The following RCAN2 variants were observed in gnomAD, a reference collection of about 807,000 sequenced individuals.
The protein encoded by RCAN2 is regulator of calcineurin 2, also known as calcipressin-2.
Under a neutral mutation model 23.6 loss-of-function variants are expected in RCAN2, and 9 were observed. The ratio of observed to expected loss-of-function variants is 0.38; its 90% CI spans 0.23 to 0.67. The LOEUF (loss-of-function observed/expected upper bound fraction) is 0.67, where lower values mean the gene tolerates loss of function less well. Among genes scored for constraint, RCAN2 ranks in the 30% least tolerant of loss-of-function variants. The probability of loss-of-function intolerance (pLI) is 0.51; values close to 1 mark genes in which losing one functional copy is unlikely to be tolerated. For missense variants in RCAN2, 273 were observed against 302.3 expected, an observed-to-expected ratio of 0.90 and a Z score of 0.72; for synonymous variants, 109 against 115.7, an observed-to-expected ratio of 0.94 and a Z score of 0.37.
chr6:46,261,433 T>C (rs114391399), intron 2 of RCAN2, among the ~76,000 whole-genome samples: 84 of 152,346 alleles, frequency 5.5e-4, no homozygotes, highest in African/African-American at 2.0e-3. Context: ...GTATCCTGGC[T>C]GTTAAGTAAA....
intron 2 of RCAN2, among the ~76,000 whole-genome samples, chr6:46,312,262 C>A (rs1050244089): frequency 6.6e-6 from 1 of 152,020 alleles, no homozygotes. Flanking sequence ...GAGTTTTAGC[C>A]CCTATGAAAA....
chr6:46,245,234 A>G (rs985836760), intron 4 of RCAN2, among the ~76,000 whole-genome samples: 5 of 152,198 alleles, frequency 3.3e-5, no homozygotes, highest in African/African-American at 1.2e-4. Context: ...AGGGCCTGAG[A>G]AGCTGAGTGA....
At chr6:46,427,904 G>A (rs1034148239) in intron 2 of RCAN2, among the ~76,000 whole-genome samples, 1 of 152,240 alleles carries the variant, frequency 6.6e-6, no homozygotes, top group Non-Finnish European at 1.5e-5. Flanking sequence ...GCTACAGGAT[G>A]AATCTGTTAT....
At chr6:46,312,429 T>G (rs1763294716) in intron 2 of RCAN2, among the ~76,000 whole-genome samples, 1 of 152,172 alleles carries the variant, frequency 6.6e-6, no homozygotes, top group Admixed American at 6.6e-5. Flanking sequence ...AACAGTTAGA[T>G]AAGGGATATC....
intron 1 of RCAN2, among the ~76,000 whole-genome samples, chr6:46,465,106 T>G (rs1214542895): frequency 2.0e-5 from 3 of 152,142 alleles, no homozygotes; most frequent in Non-Finnish European, 4.4e-5. Flanking sequence ...GGCATTTGTA[T>G]TCCATTCCCA....
intron 2 of RCAN2, among the ~76,000 whole-genome samples, chr6:46,344,219 T>A (rs1281746172): frequency 6.6e-6 from 1 of 152,168 alleles, no homozygotes; most frequent in Non-Finnish European, 1.5e-5. Context: ...TATGCCTCAA[T>A]AAATTTATTA....
chr6:46,452,062 C>T (rs1767897788), intron 2 of RCAN2, among the ~76,000 whole-genome samples: 1 of 152,142 alleles, frequency 6.6e-6, no homozygotes, highest in Non-Finnish European at 1.5e-5. Flanking sequence ...ACTCTTGGTA[C>T]ATTATAAATT....
chr6:46,380,339 C>T (rs1330138968), intron 2 of RCAN2, among the ~76,000 whole-genome samples: 1 of 152,174 alleles, frequency 6.6e-6, no homozygotes, highest in Non-Finnish European at 1.5e-5. Context: ...TGAGTTTGTG[C>T]CAACCTTCAG....
intron 4 of RCAN2, among the ~76,000 whole-genome samples, chr6:46,226,624 C>CA (rs1481532828): frequency 6.6e-6 from 1 of 152,098 alleles, no homozygotes; most frequent in East Asian, 1.9e-4. Context: ...GTGATTTTTG[C>CA]ACATTGATTT....
At chr6:46,445,487 A>G (rs759789989) in intron 2 of RCAN2, among the ~76,000 whole-genome samples, 1 of 152,228 alleles carries the variant, frequency 6.6e-6, no homozygotes, top group South Asian at 2.1e-4. Context: ...ATAAGTCCCT[A>G]CTTCTTCAAA....
intron 2 of RCAN2, among the ~76,000 whole-genome samples, chr6:46,251,758 C>T (rs1766731833): frequency 6.6e-6 from 1 of 152,186 alleles, no homozygotes; most frequent in African/African-American, 2.4e-5. Context: ...CTTGGTGAGG[C>T]ATTGGCAGAC....
intron 2 of RCAN2, among the ~76,000 whole-genome samples, chr6:46,337,383 T>C (rs1479593220): frequency 1.3e-5 from 2 of 152,222 alleles, no homozygotes; most frequent in Admixed American, 1.3e-4. Flanking sequence ...ATCTGTGAAT[T>C]GTGGTCCTTC....
intron 2 of RCAN2, among the ~76,000 whole-genome samples, chr6:46,286,735 G>A (rs1762387454): frequency 6.6e-6 from 1 of 152,152 alleles, no homozygotes; most frequent in African/African-American, 2.4e-5. Context: ...GGGAGTGGTG[G>A]CTCACGCCTG....
chr6:46,344,730 C>G (rs556977777), intron 2 of RCAN2, among the ~76,000 whole-genome samples: 34 of 151,734 alleles, frequency 2.2e-4, no homozygotes, highest in African/African-American at 8.2e-4. Context: ...GAAAAGTTCA[C>G]AAGAGGGATC....
At chr6:46,376,629 G>A (rs181916819) in intron 2 of RCAN2, among the ~76,000 whole-genome samples, 2,598 of 152,130 alleles carry the variant, frequency 0.017, 54 homozygotes, top group South Asian at 0.12. Flanking sequence ...GCAGTGAGCC[G>A]AGGAGATCAC....
chr6:46,398,027 T>C (rs1766145229), intron 2 of RCAN2, among the ~76,000 whole-genome samples: 1 of 152,202 alleles, frequency 6.6e-6, no homozygotes, highest in Non-Finnish European at 1.5e-5. Flanking sequence ...GTGACTTGTT[T>C]ACTACATTTT....
intron 2 of RCAN2, among the ~76,000 whole-genome samples, chr6:46,309,635 T>C (rs1402289392): frequency 6.6e-6 from 1 of 152,158 alleles, no homozygotes; most frequent in African/African-American, 2.4e-5. Flanking sequence ...CACAGCATTA[T>C]TTCTCACTAC....
intron 2 of RCAN2, among the ~76,000 whole-genome samples, chr6:46,350,249 G>A (rs1210863007): frequency 2.0e-5 from 3 of 152,306 alleles, no homozygotes; most frequent in Non-Finnish European, 4.4e-5. Flanking sequence ...CTAGAAATTG[G>A]AGTAAAAATC....
chr6:46,447,866 A>G (rs1767760441), intron 2 of RCAN2, among the ~76,000 whole-genome samples: 1 of 151,790 alleles, frequency 6.6e-6, no homozygotes, highest in Admixed American at 6.6e-5. Flanking sequence ...AAAAAAACTT[A>G]TAGCAATACA....
Sources: allele counts gnomAD v4.1 joint callset (sites outside exome capture counted in the v4.1 genomes callset), GRCh38; gene constraint gnomAD v4.1.1; transcripts MANE v1.5; gene names NCBI Gene and HGNC (gene_info 2026-07-23, HGNC 2026-07-21).